TSPAN31: variants seen among roughly 807,000 people sequenced by gnomAD.
The protein encoded by TSPAN31 is tetraspanin-31.
TSPAN31 carries 16 observed loss-of-function variants against 24.8 expected under a neutral mutation model. The observed-to-expected ratio is 0.64, with a 90% CI of 0.44 to 0.98. TSPAN31 has a LOEUF of 0.98. TSPAN31 is among the 50% of genes least tolerant of loss of function. The pLI, the probability that TSPAN31 is intolerant of heterozygous loss-of-function variation, is 0.00. For missense variants in TSPAN31, 209 were observed against 251.6 expected (o/e 0.83, Z 1.15); for synonymous variants, 87 against 91.4 (o/e 0.95, Z 0.27).
chr12:57,747,193 T>C (rs1465930345), intron 5 of TSPAN31, 23 bp from the exon 6 acceptor site: 5 of 1,613,342 alleles, frequency 3.1e-6, no homozygotes, highest in East Asian at 2.2e-5. Context: ...TTGATACTTA[T>C]CTCTCTCCCT....
At position 57,749,415 on chromosome 12, in the gene TSPAN31, CAGAAT is replaced by C. The variant is rs1339042893; in HGVS notation, c.*2130_*2134del. On this transcript the variant is annotated 3_prime_UTR_variant, in exon 6 of 6. Transcript: ENST00000257910. ...TCCTGGGTTCAGCAGAAAGAGGACT[CAGAAT>C]AGAAAATCTTTTTCTCCCATGTTGG... is the stretch of plus-strand genomic sequence containing the variant. 2.5e-6 allele frequency: 4 copies of C among 1,613,558 alleles called. No homozygotes were observed. The South Asian group carries it at 4.4e-5, about 18-fold the overall frequency.
rs2140381515 is a variant in TSPAN31, at chr12:57,748,675, C to A, written c.*1385C>A. 8.4e-6 allele frequency: 9 copies of A among 1,067,556 alleles called. No homozygotes were observed. The highest frequency in any genetic ancestry group is 1.3e-5 in the Non-Finnish European group (9 of 683,322). The allele number at this position is 1,067,556 out of a possible 1,614,324, so 66.1% of individuals were successfully genotyped here. A position where few individuals can be genotyped will look rare whatever the true frequency, so the allele number is the denominator to read the frequency against. On this transcript the variant is annotated 3_prime_UTR_variant, in exon 6 of 6. Transcript: ENST00000257910. The stretch of plus-strand genomic sequence containing the variant: ...AAGAAAACAGACTTCTGCCCACCCA[C>A]AACAATACCTGGGATGAGCTTTCTT...
At position 57,747,769 on chromosome 12, in the gene TSPAN31, G is replaced by T. The variant is rs1181253656; in HGVS notation, c.*479G>T. 4.3e-5 allele frequency: 7 copies of T among 161,792 alleles called. No individual in the cohort carries two copies. The highest frequency in any genetic ancestry group is 9.4e-5 in the Non-Finnish European group (7 of 74,236). The allele number at this position is 161,792 out of a possible 1,614,324, so 10.0% of individuals were successfully genotyped here. Reference sequence around the variant, plus strand: ...ATTCTTTTTTTTTTTTTGACACAGAGTCTTGCTCTGTTGCCCAGGCTGGAG... The same window carrying T: ...ATTCTTTTTTTTTTTTTGACACAGATTCTTGCTCTGTTGCCCAGGCTGGAG... On this transcript the variant is annotated 3_prime_UTR_variant, in exon 6 of 6. Coordinates refer to ENST00000257910, the MANE Select transcript of TSPAN31 (RefSeq NM_005981.5).
At chr12:57,745,290 T>C (rs1399137600) in intron 1 of TSPAN31, 73 bp downstream of exon 1, 1 of 1,513,858 alleles carries the variant, frequency 6.6e-7, no homozygotes, top group Non-Finnish European at 9.0e-7. Flanking sequence ...GTACTTCCGG[T>C]GGGGAGAGGG....
chr12:57,748,705 T>TTTC lies in TSPAN31; in HGVS notation c.*1418_*1420dup, dbSNP rs145025938. The TTTC allele has an allele frequency of 9.3e-3, 8,458 of 910,612 alleles. 436 individuals carry two copies. In the African/African-American group the frequency reaches 0.13, roughly 14 times the overall value. The allele number at this position is 910,612 out of a possible 1,614,324, so 56.4% of individuals were successfully genotyped here. ...ATACCTGGGATGAGCTTTCTTCTTT[T>TTTC]TTCTTTTTTTTTTTTTTTGAGACGG... On this transcript the variant is annotated 3_prime_UTR_variant, in exon 6 of 6. Coordinates refer to ENST00000257910, the MANE Select transcript of TSPAN31 (RefSeq NM_005981.5).
chr12:57,746,866 G>A (rs762853990), intron 4 of TSPAN31, 146 bp downstream of exon 4: 45 of 1,357,332 alleles, frequency 3.3e-5, no homozygotes, highest in Non-Finnish European at 4.4e-5. Context: ...GGGAGGTGGG[G>A]GTGGATAGAG....
Position 57,746,597 on chromosome 12 carries a change from C to T in TSPAN31, c.321C>T (p.Val107=), listed in dbSNP as rs535885012. The T allele has an allele frequency of 3.2e-4, 521 of 1,613,962 alleles. No homozygotes were observed. The highest frequency in any genetic ancestry group is 4.3e-4 in the Non-Finnish European group (506 of 1,180,032). The part of the protein sequence containing the change: ...LAINRSKQTD[V]INASWWVMSN... The stretch of plus-strand genomic sequence containing the variant: ...CTACCCATATCTTTCAGACAGATGT[C>T]ATCAATGCTTCTTGGTGGGTCATGA... The change falls in exon 4 of 6, where the codon GTC becomes GTT. Residue 107 remains valine, a synonymous_variant. Transcript: ENST00000257910.
At chr12:57,745,702 G>A (rs761213383) in intron 1 of TSPAN31, 43 bp from the exon 2 acceptor site, 2 of 1,610,876 alleles carry the variant, frequency 1.2e-6, no homozygotes, top group African/African-American at 1.3e-5. Flanking sequence ...GGGCTGTGCC[G>A]CATGCTAGAA....
chr12:57,745,946 G>A (rs111263678), intron 2 of TSPAN31, 34 bp downstream of exon 2: 29,683 of 1,561,258 alleles, frequency 0.019, 336 homozygotes, highest in Non-Finnish European at 0.021. Flanking sequence ...GGCAACCGGG[G>A]GCTTGGGAGG....
Position 57,746,738 on chromosome 12 carries a change from G to A in TSPAN31, c.444+18G>A. ...GCACTGCAGTGAGTGTGTTGGGGGTGGTGCAGCAGCCAGGGGAGGTAGGAA... is the reference window on the plus strand; with the variant it reads ...GCACTGCAGTGAGTGTGTTGGGGGTAGTGCAGCAGCCAGGGGAGGTAGGAA... On this transcript the variant is annotated intron_variant, in intron 4 of 5. Coordinates refer to ENST00000257910, the MANE Select transcript of TSPAN31 (RefSeq NM_005981.5). 1 of 1,613,782 alleles carries A rather than the reference G, an allele frequency of 6.2e-7. No individual in the cohort carries two copies. Among genetic ancestry groups the A allele is most frequent in the Non-Finnish European group, 8.5e-7 (1 of 1,179,832 alleles).
At position 57,745,119 on chromosome 12, in the gene TSPAN31, G is replaced by A. The variant is rs1254215208; in HGVS notation, c.-36G>A. On this transcript the variant is annotated 5_prime_UTR_variant, in exon 1 of 6. Coordinates refer to ENST00000257910, the MANE Select transcript of TSPAN31 (RefSeq NM_005981.5). ...ACGGTCCCCAATACCCTCCCCCCAA[G>A]TCCTTGGGACCACTTGGGTCCCCAG... 1 of 1,573,892 alleles carries A rather than the reference G, an allele frequency of 6.4e-7. No homozygotes were observed. Among genetic ancestry groups the A allele is most frequent in the Admixed American group, 1.9e-5 (1 of 54,044 alleles).
chr12:57,746,113 GAC>G, intron 2 of TSPAN31, 61 bp from the exon 3 acceptor site: 1 of 1,502,802 alleles, frequency 6.7e-7, no homozygotes. Context: ...GATGAGACCA[GAC>G]AGTTATTATA....
At chr12:57,745,311 G>T in intron 1 of TSPAN31, 94 bp downstream of exon 1, 1 of 1,375,478 alleles carries the variant, frequency 7.3e-7, no homozygotes. Flanking sequence ...GTGTATGGGG[G>T]TTCCGGGAAG....
intron 1 of TSPAN31, 36 bp from the exon 2 acceptor site, chr12:57,745,709 A>G (rs749886343): frequency 8.1e-6 from 13 of 1,612,060 alleles, no homozygotes; most frequent in Non-Finnish European, 1.0e-5. Context: ...GCCGCATGCT[A>G]GAATTGTTGA....
At chr12:57,745,941 C>A in intron 2 of TSPAN31, 29 bp downstream of exon 2, 1 of 1,569,696 alleles carries the variant, frequency 6.4e-7, no homozygotes, top group Non-Finnish European at 8.6e-7. Flanking sequence ...ATGGGGGCAA[C>A]CGGGGGCTTG....
Position 57,748,349 on chromosome 12 carries a change from G to GGAGAA in TSPAN31, c.*1061_*1065dup. On this transcript the variant is annotated 3_prime_UTR_variant, in exon 6 of 6. Coordinates refer to ENST00000257910, the MANE Select transcript of TSPAN31 (RefSeq NM_005981.5). ...TAGTGTAGAGAAATGGGAAGGAGAAGGAGAAGCCTCAAAAGGAGAGGTGGG... is the reference window on the plus strand; with the variant it reads ...TAGTGTAGAGAAATGGGAAGGAGAAGGAGAAGAGAAGCCTCAAAAGGAGAGGTGGG... 1.4e-6 allele frequency: 1 copy of GGAGAA among 690,986 alleles called. No homozygotes were observed. Among genetic ancestry groups the GGAGAA allele is most frequent in the South Asian group, 1.5e-5 (1 of 66,584 alleles). The allele number at this position is 690,986 out of a possible 1,614,324, so 42.8% of individuals were successfully genotyped here.
At chr12:57,745,652 C>T (rs912302779) in intron 1 of TSPAN31, 93 bp from the exon 2 acceptor site, 62 of 1,498,522 alleles carry the variant, frequency 4.1e-5, no homozygotes, top group Admixed American at 3.4e-4. Context: ...TCCATTATTC[C>T]TTCCCCCTGC....
Position 57,747,309 on chromosome 12 carries a change from CTT to C in TSPAN31, c.*22_*23del. 1 of 1,610,032 alleles carries C rather than the reference CTT, an allele frequency of 6.2e-7. No individual in the cohort carries two copies. The highest frequency in any genetic ancestry group is 8.5e-7 in the Non-Finnish European group (1 of 1,176,502). On this transcript the variant is annotated 3_prime_UTR_variant, in exon 6 of 6. Coordinates refer to ENST00000257910, the MANE Select transcript of TSPAN31 (RefSeq NM_005981.5). ...TCTATGAGACTTTGGATCCTTCTGA[CTT>C]TTCTTCTGCTCTCTCTAAGCTTTCT...
At position 57,748,698 on chromosome 12, in the gene TSPAN31, CTTCTTTT is replaced by C. The variant is rs753080281; in HGVS notation, c.*1418_*1424del. The stretch of plus-strand genomic sequence containing the variant: ...CACAACAATACCTGGGATGAGCTTT[CTTCTTTT>C]TTCTTTTTTTTTTTTTTTGAGACGG... On this transcript the variant is annotated 3_prime_UTR_variant, in exon 6 of 6. Coordinates refer to ENST00000257910, the MANE Select transcript of TSPAN31 (RefSeq NM_005981.5). 9 of 869,710 alleles carry C rather than the reference CTTCTTTT, an allele frequency of 1.0e-5. No individual in the cohort carries two copies. The highest frequency in any genetic ancestry group is 4.0e-5 in the Admixed American group (2 of 50,090). The allele number at this position is 869,710 out of a possible 1,614,324, so 53.9% of individuals were successfully genotyped here.
Sources: allele counts gnomAD v4.1 joint callset, GRCh38; gene constraint gnomAD v4.1.1; transcripts MANE v1.5; gene names NCBI Gene and HGNC (gene_info 2026-07-23, HGNC 2026-07-21).